FN1: variants seen among roughly 807,000 people sequenced by gnomAD.
FN1 encodes fibronectin.
A neutral mutation model predicts 297.3 loss-of-function variants in FN1; 106 were observed. That is an observed-to-expected ratio of 0.36 (90% CI 0.30 to 0.42). FN1 has a LOEUF of 0.42. Among genes scored for constraint, FN1 ranks in the 10% least tolerant of loss-of-function variants. The pLI, the probability that FN1 is intolerant of heterozygous loss-of-function variation, is 1.00. For synonymous variants in FN1, 1,149 were observed against 1,152.6 expected (o/e 1.00, Z 0.06); for missense variants, 2,690 against 3,124.9 (o/e 0.86, Z 3.32).
rs140658873 is a variant in FN1 at position 215,426,501 on chromosome 2, G to A, written c.845-1216C>T. ...GTTCTCTTGAAGGCCAGGGCCCACC[G>A]CAGAACAGAATCAGGGCTGAGGCTA... On this transcript the variant is annotated intron_variant, in intron 6 of 45. Coordinates refer to ENST00000354785, the MANE Select transcript of FN1 (RefSeq NM_212482.4). Among the ~76,000 whole-genome samples, 22 of 152,064 alleles carry A rather than the reference G, an allele frequency of 1.4e-4. No individual in the cohort carries two copies. The East Asian group carries it at 1.5e-3, about 11-fold the overall frequency.
At position 215,408,444 on chromosome 2, in the gene FN1, A is replaced by G. The variant is rs768595839; in HGVS notation, c.2300-18T>C. On this transcript the variant is annotated intron_variant, in intron 15 of 45. Coordinates refer to ENST00000354785, the MANE Select transcript of FN1 (RefSeq NM_212482.4). ...TGGAAGATCTTTGAAATGAAAAGAA[A>G]AGGTAACTAATCAGAGCAAACTAGT... The G allele has an allele frequency of 1.2e-6, 2 of 1,613,924 alleles. No individual in the cohort carries two copies. Among genetic ancestry groups the G allele is most frequent in the Non-Finnish European group, 8.5e-7 (1 of 1,179,852 alleles).
At chr2:215,379,399 T>C in intron 33 of FN1, 82 bp from the exon 34 acceptor site, 1 of 1,311,336 alleles carries the variant, frequency 7.6e-7, no homozygotes, top group Non-Finnish European at 1.1e-6. Flanking sequence ...AGAAGTAGAA[T>C]GGATTGTTCT....
Position 215,406,503 on chromosome 2 carries a change from C to T in FN1, c.2721G>A (p.Val907=), listed in dbSNP as rs750487673. 5 of 1,613,826 alleles carry T rather than the reference C, an allele frequency of 3.1e-6. No homozygotes were observed. Among genetic ancestry groups the T allele is most frequent in the Non-Finnish European group, 4.2e-6 (5 of 1,179,958 alleles). ...CAAACTGCAGGTCCCTGGGAGAGGGCACTGTATCTGACAGACAAGAGTCAA... is the reference window on the plus strand; with the variant it reads ...CAAACTGCAGGTCCCTGGGAGAGGGTACTGTATCTGACAGACAAGAGTCAA... ...ETTGTPRSDT[V]PSPRDLQFVE... is the part of the protein sequence containing the mutation. Residue 907 remains valine (V), a synonymous_variant, in exon 19 of 46, where the codon GTG becomes GTA. Transcript: ENST00000354785.
intron 38 of FN1, among the ~76,000 whole-genome samples, chr2:215,373,671 CTTTTTTTTTTTT>C (rs58966623): frequency 4.3e-4 from 54 of 125,476 alleles, no homozygotes; most frequent in Admixed American, 1.0e-3. Context: ...CCAGGGTATT[CTTTTTTTTTTTT>C]TTTTTTTTTT....
intron 27 of FN1, 55 bp downstream of exon 27, chr2:215,388,157 A>T (rs1264024331): frequency 8.1e-7 from 1 of 1,232,114 alleles, no homozygotes; most frequent in Non-Finnish European, 1.2e-6. Context: ...TTCATTTGTT[A>T]TACAGAATTG....
chr2:215,416,694 A>T (rs546921733), intron 12 of FN1, among the ~76,000 whole-genome samples: 6 of 152,308 alleles, frequency 3.9e-5, no homozygotes, highest in South Asian at 2.1e-4. Flanking sequence ...ATGATGGATA[A>T]ATGTCTATTA....
intron 36 of FN1, 154 bp from the exon 37 acceptor site, chr2:215,375,872 A>G: frequency 1.5e-6 from 1 of 681,850 alleles, no homozygotes; most frequent in Non-Finnish European, 2.7e-6. Context: ...AGAGCATGCT[A>G]TGGATGTTAA....
chr2:215,375,094 T>C, intron 38 of FN1, 120 bp downstream of exon 38: 1 of 1,034,070 alleles, frequency 9.7e-7, no homozygotes, highest in Admixed American at 1.8e-5. Context: ...TTTTTGAGGT[T>C]ATCAGGAACA....
rs1180290005 is a variant in FN1, at chr2:215,382,381, C to CA, written c.5051-57dup. 4.5e-6 allele frequency: 5 copies of CA among 1,115,730 alleles called. No individual in the cohort carries two copies. In the African/African-American group the frequency reaches 7.6e-5, roughly 17 times the overall value. 69.1% of individuals were successfully genotyped at this position (1,115,730 alleles called of 1,614,324 possible). On this transcript the variant is annotated intron_variant, in intron 31 of 45. Transcript: ENST00000354785. ...TCCACGTCATCCACTATAAAGTCCT[C>CA]AAGTGGCGTCTAGAGTTTGGTAGTA...
At chr2:215,397,100 T>G in intron 23 of FN1, 37 bp downstream of exon 23, 1 of 1,231,752 alleles carries the variant, frequency 8.1e-7, no homozygotes, top group Non-Finnish European at 1.2e-6. Flanking sequence ...TGGGAAGGTA[T>G]GGTGTATACT....
Position 215,391,665 on chromosome 2 carries a change from T to C in FN1, c.4219A>G (p.Ile1407Val), listed in dbSNP as rs150535452. 2,472 of 1,614,062 alleles carry C rather than the reference T, an allele frequency of 1.5e-3. 57 individuals carry two copies. The Admixed American group carries it at 0.039, about 25-fold the overall frequency. Residue 1407 changes from isoleucine to valine, a missense_variant, in exon 26 of 46, where the codon ATT (isoleucine) becomes GTT (valine). Coordinates refer to ENST00000354785, the MANE Select transcript of FN1 (RefSeq NM_212482.4). ...KNEEDVAELS[I>V]SPSDNAVVLT... ...ACCACTGCATTGTCTGAAGGAGAAA[T>C]TGACAACTCTGCAACATCTTCCTCA...
intron 12 of FN1, among the ~76,000 whole-genome samples, chr2:215,415,336 T>C (rs1453008754): frequency 6.6e-6 from 1 of 152,198 alleles, no homozygotes. Context: ...ACTTATTGTA[T>C]TGAGCCTCTT....
In FN1 at chr2:215,382,196, A is replaced by G; in HGVS notation, c.5164+16T>C. The stretch of plus-strand genomic sequence containing the variant: ...AATTTGACTTTGAAAATGGAAACCA[A>G]GCAGTGGTTACGTACTGGTTACTGC... On this transcript the variant is annotated intron_variant, in intron 32 of 45. Transcript: ENST00000354785. The G allele has an allele frequency of 6.4e-7, 1 of 1,558,968 alleles. No individual in the cohort carries two copies. The highest frequency in any genetic ancestry group is 1.1e-5 in the South Asian group (1 of 90,012).
At chr2:215,392,801 C>G (rs1559438194) in intron 25 of FN1, 130 bp downstream of exon 25, 9 of 1,009,610 alleles carry the variant, frequency 8.9e-6, no homozygotes, top group Non-Finnish European at 1.4e-5. Context: ...CCTTATCCCC[C>G]CAATCCACCC....
At chr2:215,375,898 A>T (rs571830542) in intron 36 of FN1, among the ~76,000 whole-genome samples, 180 bp from the exon 37 acceptor site, 3 of 152,240 alleles carry the variant, frequency 2.0e-5, no homozygotes, top group African/African-American at 7.2e-5. Flanking sequence ...AACAAGAAAC[A>T]TATCTCGAAA....
At chr2:215,382,977 G>T (rs148437662) in intron 31 of FN1, among the ~76,000 whole-genome samples, 1 of 151,270 alleles carries the variant, frequency 6.6e-6, no homozygotes, top group African/African-American at 2.4e-5. Flanking sequence ...CATCTATCCT[G>T]TTGTATATGA....
At chr2:215,381,190 A>C in intron 32 of FN1, 110 bp from the exon 33 acceptor site, 2 of 1,067,564 alleles carry the variant, frequency 1.9e-6, no homozygotes, top group Non-Finnish European at 2.9e-6. Flanking sequence ...GATGAAGTCC[A>C]ATTAACCCAC....
rs1391068611 is a variant in FN1, at chr2:215,404,582, A to G, written c.3060T>C (p.Pro1020=). Residue 1020 remains proline, a synonymous_variant, in exon 20 of 46, where the codon CCT becomes CCC. Coordinates refer to ENST00000354785, the MANE Select transcript of FN1 (RefSeq NM_212482.4). ...GTCGGTATCCTGTTATCTGGGCCCG[A>G]GGTGGAGTCCATCTCACCAGGACAG... is the stretch of plus-strand genomic sequence containing the variant. ...DSTVLVRWTP[P]RAQITGYRLT... 6.2e-7 allele frequency: 1 copy of G among 1,614,096 alleles called. No individual in the cohort carries two copies. The highest frequency in any genetic ancestry group is 8.5e-7 in the Non-Finnish European group (1 of 1,179,938).
chr2:215,373,211 A>C (rs1432076186), intron 39 of FN1, 111 bp downstream of exon 39: 2 of 849,120 alleles, frequency 2.4e-6, no homozygotes, highest in Non-Finnish European at 4.0e-6. Context: ...TAGATAAAAA[A>C]AATCACAAGA....
Sources: allele counts gnomAD v4.1 joint callset (sites outside exome capture counted in the v4.1 genomes callset), GRCh38; gene constraint gnomAD v4.1.1; transcripts MANE v1.5; gene names NCBI Gene and HGNC (gene_info 2026-07-23, HGNC 2026-07-21).